Variants in ZNF385D observed in about 807,000 individuals in gnomAD.
ZNF385D encodes zinc finger protein 385D.
In ZNF385D, 15 loss-of-function variants were observed where a neutral mutation model predicts 35.8. That is an observed-to-expected ratio of 0.42 (90% CI 0.28 to 0.64). ZNF385D has a LOEUF of 0.64. Ranked by LOEUF, ZNF385D falls within the 30% of genes least tolerant of loss-of-function variation. ZNF385D has a pLI of 0.23. For synonymous variants in ZNF385D, 212 were observed against 186.8 expected (o/e 1.13, Z -1.10); for missense variants, 474 against 494.6 (o/e 0.96, Z 0.39).
At chr3:22,088,358 G>A (rs1212268024) in intron 3 of ZNF385D, among the ~76,000 whole-genome samples, 2 of 152,304 alleles carry the variant, frequency 1.3e-5, no homozygotes, top group Admixed American at 6.5e-5. Context: ...ACATTCCAGT[G>A]TATGTGCAGG....
chr3:21,433,485 C>T (rs1484537683), intron 5 of ZNF385D, among the ~76,000 whole-genome samples: 1 of 152,152 alleles, frequency 6.6e-6, no homozygotes, highest in Non-Finnish European at 1.5e-5. Context: ...TCCCTGAAAA[C>T]ACAATCCAAT....
At chr3:22,146,212 G>T (rs1704843679) in intron 3 of ZNF385D, among the ~76,000 whole-genome samples, 1 of 152,242 alleles carries the variant, frequency 6.6e-6, no homozygotes, top group South Asian at 2.1e-4. Context: ...GTACTTATAG[G>T]ATTTCACCTC....
intron 3 of ZNF385D, among the ~76,000 whole-genome samples, chr3:21,934,924 T>C (rs1247963746): frequency 6.6e-6 from 1 of 152,244 alleles, no homozygotes; most frequent in Non-Finnish European, 1.5e-5. Flanking sequence ...GAAGTCTGAC[T>C]GCACATATAT....
intron 3 of ZNF385D, among the ~76,000 whole-genome samples, chr3:22,073,004 T>G (rs1020829124): frequency 1.1e-4 from 17 of 151,924 alleles, no homozygotes; most frequent in African/African-American, 3.6e-4. Flanking sequence ...GCACTTTCAA[T>G]CTTTTCAGAA....
chr3:21,559,489 C>T (rs964688406), intron 3 of ZNF385D, among the ~76,000 whole-genome samples: 30 of 152,114 alleles, frequency 2.0e-4, no homozygotes, highest in African/African-American at 6.8e-4. Context: ...ATATTGACCC[C>T]CACTCTCTTC....
chr3:21,605,208 C>T (rs1203463931), intron 2 of ZNF385D, among the ~76,000 whole-genome samples: 1 of 151,994 alleles, frequency 6.6e-6, no homozygotes, highest in Non-Finnish European at 1.5e-5. Context: ...TATTTAATTT[C>T]TAGGAACAGA....
chr3:22,058,885 C>A (rs188179091), intron 3 of ZNF385D, among the ~76,000 whole-genome samples: 45 of 152,298 alleles, frequency 3.0e-4, no homozygotes, highest in African/African-American at 1.0e-3. Context: ...ACCTCCATAG[C>A]AAGAAGTTTG....
chr3:22,275,291 G>C (rs185797735), intron 2 of ZNF385D, among the ~76,000 whole-genome samples: 19 of 152,164 alleles, frequency 1.2e-4, no homozygotes, highest in African/African-American at 4.6e-4. Flanking sequence ...TCTCAGAAGG[G>C]TCTAACTAGT....
At chr3:21,752,537 G>A (rs1047105680), upstream of ZNF385D, among the ~76,000 whole-genome samples, 19 of 152,078 alleles carry the variant, frequency 1.2e-4, no homozygotes, top group Non-Finnish European at 2.6e-4. Flanking sequence ...GTGCAATCTT[G>A]CATAAAAGCT....
At position 21,453,063 on chromosome 3, in the gene ZNF385D, C is replaced by G. The variant is rs1474866838; in HGVS notation, c.440-15860G>C. The stretch of plus-strand genomic sequence containing the variant: ...AGAATTAAGAGTCTGGAAGGAAACC[C>G]ATACATTTATGGCCAATTTATTTTT... On this transcript the variant is annotated intron_variant, in intron 4 of 7. Transcript: ENST00000281523. Among the ~76,000 whole-genome samples, 4 of 151,568 alleles carry G rather than the reference C, an allele frequency of 2.6e-5. No individual in the cohort carries two copies. The East Asian group carries it at 7.8e-4, about 29-fold the overall frequency.
At chr3:22,113,379 T>A (rs965685334) in intron 3 of ZNF385D, among the ~76,000 whole-genome samples, 2 of 152,106 alleles carry the variant, frequency 1.3e-5, no homozygotes, top group Non-Finnish European at 2.9e-5. Flanking sequence ...CTACCTTATA[T>A]AGTGTTTAAA....
At position 22,009,613 on chromosome 3, in the gene ZNF385D, ACT is replaced by A. The variant is rs1437569763; in HGVS notation, c.325+159202_325+159203del. Among the ~76,000 whole-genome samples the A allele has an allele frequency of 4.5e-5, 6 of 132,802 alleles. No homozygotes were observed. In the East Asian group the frequency reaches 1.0e-3, roughly 22 times the overall value. 87.1% of individuals were successfully genotyped at this position (132,802 alleles called of 152,430 possible). A position where few individuals can be genotyped will look rare whatever the true frequency, so the allele number is the denominator to read the frequency against. On this transcript the variant is annotated intron_variant, in intron 3 of 5. Coordinates refer to the ZNF385D transcript ENST00000494108. ...ACTCTAGCCTGGGCAACAGAGTGAG[ACT>A]CTGTCTCAAAAAAAAAAATAAAAAA...
chr3:21,906,466 C>T (rs1043988396), intron 3 of ZNF385D, among the ~76,000 whole-genome samples: 1 of 152,094 alleles, frequency 6.6e-6, no homozygotes, highest in African/African-American at 2.4e-5. Flanking sequence ...TGAGCTTTAC[C>T]AGCTACACAG....
intron 3 of ZNF385D, among the ~76,000 whole-genome samples, chr3:22,018,185 G>T (rs79705868): frequency 2.6e-5 from 4 of 151,342 alleles, no homozygotes; most frequent in Admixed American, 1.3e-4. Context: ...TTAAAGATGC[G>T]CAGTATCAAT....
At chr3:21,451,919 T>C (rs4858324) in intron 4 of ZNF385D, among the ~76,000 whole-genome samples, 42,053 of 151,966 alleles carry the variant, frequency 0.28, 6,469 homozygotes, top group East Asian at 0.43. Flanking sequence ...TGGTAGAAAA[T>C]ATTGTCTTTG....
chr3:22,206,218 T>C (rs1189991878), intron 2 of ZNF385D, among the ~76,000 whole-genome samples: 1 of 151,906 alleles, frequency 6.6e-6, no homozygotes, highest in Non-Finnish European at 1.5e-5. Flanking sequence ...AATAAATTTA[T>C]GAAGAGGATA....
intron 3 of ZNF385D, among the ~76,000 whole-genome samples, chr3:22,097,331 G>C (rs564442530): frequency 1.1e-3 from 163 of 152,148 alleles, no homozygotes; most frequent in African/African-American, 3.7e-3. Flanking sequence ...TATGGTGTTG[G>C]GTTTGGAACT....
intron 2 of ZNF385D, among the ~76,000 whole-genome samples, chr3:22,197,735 G>A (rs1423701176): frequency 2.0e-5 from 3 of 152,066 alleles, no homozygotes; most frequent in Admixed American, 2.0e-4. Context: ...CCTGCATTCT[G>A]TTCAGATTCT....
chr3:21,873,614 C>T (rs966158708), intron 3 of ZNF385D, among the ~76,000 whole-genome samples: 4 of 152,000 alleles, frequency 2.6e-5, no homozygotes, highest in Admixed American at 2.6e-4. Context: ...AAATTGTATA[C>T]CTATTGAACA....
Sources: gnomAD v4.1 joint callset for allele counts (sites outside exome capture counted in the v4.1 genomes callset) on GRCh38, gnomAD v4.1.1 for gene constraint, MANE v1.5 for transcripts, NCBI Gene and HGNC (gene_info 2026-07-23, HGNC 2026-07-21) for gene names.